Variants in RNF168 observed in about 807,000 individuals in gnomAD.
The protein encoded by RNF168 is ring finger protein 168.
Under a neutral mutation model 34.9 loss-of-function variants are expected in RNF168, and 34 were observed. The observed-to-expected ratio is 0.97, with a 90% CI of 0.74 to 1.30. RNF168 has a LOEUF of 1.30. RNF168 is among the 50% of genes most tolerant of loss of function. The probability of loss-of-function intolerance (pLI) is 0.00; values close to 1 mark genes in which losing one functional copy is unlikely to be tolerated. For synonymous variants in RNF168, 264 were observed against 254.7 expected, an observed-to-expected ratio of 1.04 and a Z score of -0.35; for missense variants, 725 against 682.5, an observed-to-expected ratio of 1.06 and a Z score of -0.69.
At chr3:196,496,643 A>G (rs1732749734) in intron 1 of RNF168, among the ~76,000 whole-genome samples, 1 of 152,224 alleles carries the variant, frequency 6.6e-6, no homozygotes, top group South Asian at 2.1e-4. Context: ...AAATTGTTCT[A>G]TTAAGTTCAA....
At chr3:196,494,502 G>C (rs1732689349) in intron 1 of RNF168, among the ~76,000 whole-genome samples, 1 of 152,214 alleles carries the variant, frequency 6.6e-6, no homozygotes, top group Non-Finnish European at 1.5e-5. Flanking sequence ...AACTTGAACA[G>C]TTGAGCTGTT....
chr3:196,483,901 T>C lies in RNF168; in HGVS notation c.559-10A>G, dbSNP rs780526503. The C allele has an allele frequency of 1.4e-5, 22 of 1,599,024 alleles. 2 individuals carry two copies. Among genetic ancestry groups the C allele is most frequent in the East Asian group, 1.1e-4 (5 of 44,760 alleles). ...CCTCACAGAAATTGTTCTTCAACAA[T>C]AGAAAAAGCATAACAGACATTATGA... On this transcript the variant is annotated splice_polypyrimidine_tract_variant and intron_variant, in intron 3 of 5. Transcript: ENST00000318037.
In RNF168 at chr3:196,475,280, G is replaced by T; in HGVS notation, c.713C>A (p.Ala238Asp). 1 of 1,611,318 alleles carries T rather than the reference G, an allele frequency of 6.2e-7. No homozygotes were observed. The highest frequency in any genetic ancestry group is 8.5e-7 in the Non-Finnish European group (1 of 1,177,508). The change falls in exon 5 of 6, where the codon GCC becomes GAC. Residue 238 changes from alanine to aspartate, a missense_variant. By Grantham distance (126) the Ala-to-Asp change is moderately radical. Transcript: ENST00000318037. ...TTCTTGTACAGCTTCAGAGTGTGAG[G>T]CTGACCCAAACTGAGATTTCGGTGT... ...YLTPKSQFGS[A>D]SHSEAVQEVR...
chr3:196,489,833 A>C (rs951813003), intron 1 of RNF168, among the ~76,000 whole-genome samples: 1 of 152,162 alleles, frequency 6.6e-6, no homozygotes, highest in Non-Finnish European at 1.5e-5. Flanking sequence ...ACAGAACTCG[A>C]GATTTATAAG....
chr3:196,497,043 G>A (rs1250545297), intron 1 of RNF168, among the ~76,000 whole-genome samples: 1 of 152,086 alleles, frequency 6.6e-6, no homozygotes, highest in Non-Finnish European at 1.5e-5. Context: ...CTACTCAGGA[G>A]GCTGAGGAAG....
At position 196,475,301 on chromosome 3, in the gene RNF168, G is replaced by A. The variant is rs750265062; in HGVS notation, c.692C>T (p.Pro231Leu). ...TGAGGCTGACCCAAACTGAGATTTC[G>A]GTGTCAAATACCTAAAAGAAAAGTT... ...NTGDIQKYLT[P>L]KSQFGSASHS... Residue 231 changes from proline to leucine, a missense_variant, in exon 5 of 6, where the codon CCG (proline) becomes CTG (leucine). Physicochemically the swap from Pro to Leu is moderately conservative, Grantham distance 98 (BLOSUM62 -3). Transcript: ENST00000318037. 2 of 1,605,520 alleles carry A rather than the reference G, an allele frequency of 1.2e-6. No homozygotes were observed. The highest frequency in any genetic ancestry group is 2.2e-5 in the East Asian group (1 of 44,800).
In RNF168 at chr3:196,471,627, G is replaced by A. The variant is rs887676776; in HGVS notation, c.*192C>T. On this transcript the variant is annotated 3_prime_UTR_variant, in exon 6 of 6. Transcript: ENST00000318037. ...GTTATTAAGAAGGGAAACGACAGGG[G>A]ACCCCTGCTTACCGCTGAGCTGTGC... 8.1e-5 allele frequency: 48 copies of A among 589,732 alleles called. No individual in the cohort carries two copies. The highest frequency in any genetic ancestry group is 1.3e-4 in the Non-Finnish European group (44 of 329,912). The allele number at this position is 589,732 out of a possible 1,614,324, so 36.5% of individuals were successfully genotyped here.
At chr3:196,498,086 C>T (rs766090213) in intron 1 of RNF168, among the ~76,000 whole-genome samples, 1 of 152,164 alleles carries the variant, frequency 6.6e-6, no homozygotes, top group Non-Finnish European at 1.5e-5. Context: ...GTAAGATGTA[C>T]GGCAACCAGA....
At chr3:196,483,314 C>T (rs746604753) in intron 4 of RNF168, among the ~76,000 whole-genome samples, 2 of 152,146 alleles carry the variant, frequency 1.3e-5, no homozygotes, top group African/African-American at 2.4e-5. Flanking sequence ...CTGATGTTTG[C>T]GTAAAGCCAC....
At chr3:196,487,645 C>G (rs2108650330) in intron 2 of RNF168, 67 bp from the exon 3 acceptor site, 2 of 1,428,952 alleles carry the variant, frequency 1.4e-6, no homozygotes, top group East Asian at 4.6e-5. Context: ...TATTTCATAA[C>G]AAGAATAGAA....
chr3:196,477,632 C>A (rs1284205771), intron 4 of RNF168, among the ~76,000 whole-genome samples: 1 of 152,186 alleles, frequency 6.6e-6, no homozygotes, highest in Non-Finnish European at 1.5e-5. Flanking sequence ...CGAAGCATAC[C>A]AGTACCAAAG....
intron 5 of RNF168, 190 bp downstream of exon 5, chr3:196,475,041 A>G (rs1169895836): frequency 3.5e-6 from 2 of 567,012 alleles, no homozygotes; most frequent in South Asian, 4.1e-5. Context: ...TTTTTGTAGT[A>G]TGTTTATTTA....
At chr3:196,477,174 G>A (rs1179849991) in intron 4 of RNF168, among the ~76,000 whole-genome samples, 2 of 152,170 alleles carry the variant, frequency 1.3e-5, no homozygotes. Context: ...CAAGATGGTA[G>A]GTATAGTTTA....
chr3:196,502,001 T>A (rs936778830), intron 1 of RNF168, among the ~76,000 whole-genome samples: 1 of 87,688 alleles, frequency 1.1e-5, no homozygotes, highest in Non-Finnish European at 2.2e-5. Flanking sequence ...TACAATAAAA[T>A]AAACGTATGT....
At chr3:196,474,301 T>C (rs1369407192) in intron 5 of RNF168, among the ~76,000 whole-genome samples, 2 of 149,580 alleles carry the variant, frequency 1.3e-5, no homozygotes, top group Non-Finnish European at 3.0e-5. Context: ...ATTTTTTTTT[T>C]TTTTTTGGTA....
intron 1 of RNF168, among the ~76,000 whole-genome samples, chr3:196,493,904 G>A (rs1470498242): frequency 1.3e-5 from 2 of 148,370 alleles, no homozygotes; most frequent in Non-Finnish European, 3.0e-5. Flanking sequence ...TCAGGCTGCA[G>A]TGCAGTGGTG....
In RNF168 at chr3:196,472,401, G is replaced by A. The variant is rs200929378; in HGVS notation, c.1134C>T (p.Cys378=). 78 of 1,613,596 alleles carry A rather than the reference G, an allele frequency of 4.8e-5. No individual in the cohort carries two copies. The Admixed American group carries it at 1.1e-3, about 22-fold the overall frequency. ...TGGAAATCTCCTTACTGATCAGTAGGCACGACTCTTCATTTTCTGTCTCAC... is the reference window on the plus strand; with the variant it reads ...TGGAAATCTCCTTACTGATCAGTAGACACGACTCTTCATTTTCTGTCTCAC... ...NTGETENEES[C]LLISKEISKR... is the part of the protein sequence containing the mutation. The change falls in exon 6 of 6, where the codon TGC becomes TGT. Residue 378 remains cysteine (C), a synonymous_variant. Transcript: ENST00000318037.
chr3:196,485,085 T>A lies in RNF168; in HGVS notation c.559-1194A>T, dbSNP rs147471546. On this transcript the variant is annotated intron_variant, in intron 3 of 5. Transcript: ENST00000318037. The stretch of plus-strand genomic sequence containing the variant: ...TTTAGTTCTGGACTTTAAGGGCGTA[T>A]TAATAAAAATCACAAATATTTACTT... 3.9e-3 allele frequency among the ~76,000 whole-genome samples: 590 copies of A among 152,336 alleles called. 5 individuals are homozygous for A. The highest frequency in any genetic ancestry group is 0.013 in the African/African-American group (542 of 41,574).
chr3:196,481,837 A>G (rs1224714486), intron 4 of RNF168, among the ~76,000 whole-genome samples: 1 of 151,226 alleles, frequency 6.6e-6, no homozygotes, highest in Non-Finnish European at 1.5e-5. Context: ...TATTTTGTGT[A>G]GAGACAGGGT....
Sources: allele counts gnomAD v4.1 joint callset (sites outside exome capture counted in the v4.1 genomes callset), GRCh38; gene constraint gnomAD v4.1.1; transcripts MANE v1.5; gene names NCBI Gene and HGNC (gene_info 2026-07-23, HGNC 2026-07-21).